DSCAM: variants seen among roughly 807,000 people sequenced by gnomAD.
The protein encoded by DSCAM is cell adhesion molecule DSCAM.
In DSCAM, 47 loss-of-function variants were observed where a neutral mutation model predicts 217.7. The ratio of observed to expected loss-of-function variants is 0.22; its 90% CI spans 0.17 to 0.28. The LOEUF (loss-of-function observed/expected upper bound fraction) is 0.28. DSCAM is among the 10% of genes least tolerant of loss of function. The probability of loss-of-function intolerance (pLI) is 1.00; values close to 1 mark genes in which losing one functional copy is unlikely to be tolerated. For missense variants in DSCAM, 2,080 were observed against 2,618.3 expected (o/e 0.79, Z 4.49); for synonymous variants, 1,056 against 1,015.3 (o/e 1.04, Z -0.76).
intron 3 of DSCAM, among the ~76,000 whole-genome samples, chr21:40,405,301 A>G (rs1008972450): frequency 2.0e-5 from 3 of 152,234 alleles, no homozygotes; most frequent in Admixed American, 6.5e-5. Flanking sequence ...CCTTGTGTAT[A>G]TAATATCTAT....
At chr21:40,510,430 T>C (rs2076249367) in intron 3 of DSCAM, among the ~76,000 whole-genome samples, 2 of 152,226 alleles carry the variant, frequency 1.3e-5, no homozygotes, top group Admixed American at 6.5e-5. Flanking sequence ...AATGTTAGTA[T>C]TGTTGACCAA....
intron 3 of DSCAM, among the ~76,000 whole-genome samples, chr21:40,488,340 T>C (rs1306744356): frequency 3.3e-5 from 5 of 150,914 alleles, no homozygotes; most frequent in African/African-American, 9.8e-5. Flanking sequence ...GATCACGGCT[T>C]CTCTCCATAT....
chr21:40,812,421 C>T (rs149247424), intron 1 of DSCAM, among the ~76,000 whole-genome samples: 27 of 152,248 alleles, frequency 1.8e-4, no homozygotes, highest in Non-Finnish European at 2.6e-4. Flanking sequence ...GTGCCCAGCA[C>T]GCAGACAGTG....
intron 1 of DSCAM, among the ~76,000 whole-genome samples, chr21:40,811,109 G>T (rs1230059345): frequency 6.6e-6 from 1 of 152,162 alleles, no homozygotes; most frequent in Non-Finnish European, 1.5e-5. Context: ...AAGGCTCAGT[G>T]TGTCCCTAGT....
intron 3 of DSCAM, among the ~76,000 whole-genome samples, chr21:40,539,230 C>T (rs1170605083): frequency 6.6e-6 from 1 of 152,022 alleles, no homozygotes; most frequent in East Asian, 1.9e-4. Flanking sequence ...CATGGCTGGG[C>T]GCGGTGGCTC....
intron 1 of DSCAM, among the ~76,000 whole-genome samples, chr21:40,779,938 T>C (rs2091524986): frequency 6.6e-6 from 1 of 152,208 alleles, no homozygotes; most frequent in African/African-American, 2.4e-5. Flanking sequence ...TATATACAGC[T>C]ATATCCATGG....
At chr21:40,529,484 C>T (rs2076426422) in intron 3 of DSCAM, among the ~76,000 whole-genome samples, 1 of 152,098 alleles carries the variant, frequency 6.6e-6, no homozygotes, top group Non-Finnish European at 1.5e-5. Context: ...GTTTCAAAAG[C>T]ACATGGACCT....
At chr21:40,717,365 C>G (rs969251491) in intron 1 of DSCAM, among the ~76,000 whole-genome samples, 4 of 152,250 alleles carry the variant, frequency 2.6e-5, no homozygotes, top group African/African-American at 9.6e-5. Context: ...AACATACATC[C>G]ACACAAAACT....
In DSCAM at chr21:40,293,542, CTAAAG is replaced by C. The variant is rs549173688; in HGVS notation, c.2182+2508_2182+2512del. Among the ~76,000 whole-genome samples the C allele has an allele frequency of 1.2e-3, 176 of 152,254 alleles. 3 individuals are homozygous for C. Among genetic ancestry groups the C allele is most frequent in the South Asian group, 7.7e-3 (37 of 4,826 alleles). On this transcript the variant is annotated intron_variant, in intron 10 of 32. Transcript: ENST00000400454. The stretch of plus-strand genomic sequence containing the variant: ...TTTAAGTGGCTGAACTCAATCTTAA[CTAAAG>C]TAATTAGATAAACGTAATTATTGAT...
intron 20 of DSCAM, among the ~76,000 whole-genome samples, chr21:40,112,671 A>C (rs533896455): frequency 6.6e-6 from 1 of 152,160 alleles, no homozygotes; most frequent in Non-Finnish European, 1.5e-5. Context: ...GACCGCTAGC[A>C]AGACTAATAA....
chr21:40,837,381 C>A (rs1016347451), intron 1 of DSCAM, among the ~76,000 whole-genome samples: 2 of 152,104 alleles, frequency 1.3e-5, no homozygotes, highest in Non-Finnish European at 2.9e-5. Flanking sequence ...ACAAATAAAC[C>A]AACCACTGAT....
At chr21:40,028,705 GGCTCACGCACAGTGT>G (rs896607142) in intron 32 of DSCAM, among the ~76,000 whole-genome samples, 22 of 152,236 alleles carry the variant, frequency 1.4e-4, no homozygotes, top group Admixed American at 3.3e-4. Context: ...GCTCTGCTTC[GGCTCACGCACAGTGT>G]GCGCACCCAC....
At chr21:40,037,706 CA>C (rs1234706144) in intron 32 of DSCAM, among the ~76,000 whole-genome samples, 1 of 147,924 alleles carries the variant, frequency 6.8e-6, no homozygotes, top group Non-Finnish European at 1.5e-5. Context: ...CCCGCATTGC[CA>C]AGGCAATCCT....
intron 1 of DSCAM, among the ~76,000 whole-genome samples, chr21:40,773,023 A>C (rs2091459948): frequency 6.6e-6 from 1 of 152,214 alleles, no homozygotes; most frequent in Non-Finnish European, 1.5e-5. Context: ...CAGGTGGATC[A>C]TATCCCTGCA....
chr21:40,542,637 C>T (rs183949408), intron 3 of DSCAM, among the ~76,000 whole-genome samples: 12 of 152,316 alleles, frequency 7.9e-5, no homozygotes, highest in Non-Finnish European at 1.5e-4. Context: ...AGCAAGGCTT[C>T]CCCAGATGAC....
At chr21:40,780,423 G>GTGTGTATATATA (rs1007015659) in intron 1 of DSCAM, among the ~76,000 whole-genome samples, 90 of 56,422 alleles carry the variant, frequency 1.6e-3, no homozygotes, top group Non-Finnish European at 2.6e-3. Context: ...GTGTGTGTGT[G>GTGTGTATATATA]TATATATATA....
chr21:40,653,271 A>G lies in DSCAM; in HGVS notation c.508+39539T>C, dbSNP rs148693958. On this transcript the variant is annotated intron_variant, in intron 3 of 32. Coordinates refer to ENST00000400454, the MANE Select transcript of DSCAM (RefSeq NM_001389.5). ...CTCCAACACAGTCCAACATTTCCAC[A>G]TGGGTTCCTGTTAACGACACGGTCT... Among the ~76,000 whole-genome samples the G allele has an allele frequency of 2.1e-4, 32 of 152,144 alleles. 1 individual carries two copies. The highest frequency in any genetic ancestry group is 1.3e-3 in the Admixed American group (20 of 15,274).
chr21:40,278,892 T>C (rs1298636977), intron 10 of DSCAM, among the ~76,000 whole-genome samples: 2 of 152,192 alleles, frequency 1.3e-5, no homozygotes, highest in Non-Finnish European at 2.9e-5. Flanking sequence ...AAAAACAGGA[T>C]GTGGGCCAAA....
At chr21:40,333,368 G>A (rs759068949) in intron 8 of DSCAM, among the ~76,000 whole-genome samples, 21 of 151,952 alleles carry the variant, frequency 1.4e-4, no homozygotes, top group Non-Finnish European at 1.9e-4. Context: ...TTTACTGATC[G>A]ATCGATTGAT....
Sources: gnomAD v4.1 joint callset for allele counts (sites outside exome capture counted in the v4.1 genomes callset) on GRCh38, gnomAD v4.1.1 for gene constraint, MANE v1.5 for transcripts, NCBI Gene and HGNC (gene_info 2026-07-23, HGNC 2026-07-21) for gene names.